DPYSL2: variants seen among roughly 807,000 people sequenced by gnomAD.
DPYSL2 encodes dihydropyrimidinase-related protein 2.
Under a neutral mutation model 69.9 loss-of-function variants are expected in DPYSL2, and 13 were observed. That is an observed-to-expected ratio of 0.19 (90% CI 0.12 to 0.30). The LOEUF (loss-of-function observed/expected upper bound fraction) is 0.30, where lower values mean the gene tolerates loss of function less well. Among genes scored for constraint, DPYSL2 ranks in the 10% least tolerant of loss-of-function variants. The pLI is 1.00. For missense variants in DPYSL2, 587 were observed against 918.9 expected (o/e 0.64, Z 4.67); for synonymous variants, 326 against 359.1 (o/e 0.91, Z 1.04).
In DPYSL2 at chr8:26,624,102, G is replaced by A; in HGVS notation, c.629-41G>A. The A allele has an allele frequency of 1.9e-6, 3 of 1,610,786 alleles. No individual in the cohort carries two copies. Among genetic ancestry groups the A allele is most frequent in the South Asian group, 2.2e-5 (2 of 90,692 alleles). ...AAATACCTGCTGGCCCACGGCCCTT[G>A]AGGCTCTTGGTGATGATGACATATG... On this transcript the variant is annotated intron_variant, in intron 3 of 13. Transcript: ENST00000521913. The surrounding 1 kb of genome is among the most constrained non-coding windows in gnomAD (Gnocchi z 4.7).
chr8:26,643,630 T>C lies in DPYSL2; in HGVS notation c.1283+35T>C. ...GGCGACTTGTTCACACTTCACATTC[T>C]GTCTTTCTTCAGACCAGACTGACCT... On this transcript the variant is annotated intron_variant, in intron 9 of 13. Transcript: ENST00000521913. The surrounding 1 kb of genome is among the most constrained non-coding windows in gnomAD (Gnocchi z 6.5). The C allele has an allele frequency of 6.2e-7, 1 of 1,614,114 alleles. No individual in the cohort carries two copies. The highest frequency in any genetic ancestry group is 8.5e-7 in the Non-Finnish European group (1 of 1,179,930).
chr8:26,564,664 C>G lies in DPYSL2; in HGVS notation c.355-17305C>G, dbSNP rs1421913103. Among the ~76,000 whole-genome samples, 1 of 152,084 alleles carries G rather than the reference C, an allele frequency of 6.6e-6. No individual in the cohort carries two copies. The highest frequency in any genetic ancestry group is 1.9e-4 in the East Asian group (1 of 5,190). On this transcript the variant is annotated intron_variant, in intron 1 of 13. Coordinates refer to ENST00000521913, the MANE Select transcript of DPYSL2 (RefSeq NM_001197293.3). This position sits in a 1 kb window ranked among gnomAD's most constrained non-coding sequence, Gnocchi z 4.8. Reference sequence around the variant, plus strand: ...GGAAGCATGGCAAAGGTGGTGACAGCTGCTGAGAGGTGTGAGAGGGTGGCC... The same window carrying G: ...GGAAGCATGGCAAAGGTGGTGACAGGTGCTGAGAGGTGTGAGAGGGTGGCC...
intron 8 of DPYSL2, among the ~76,000 whole-genome samples, chr8:26,635,446 C>T (rs327215): frequency 0.95 from 145,338 of 152,292 alleles, 69,543 homozygotes; most frequent in Non-Finnish European, 0.99. Context: ...CTGTAACTAA[C>T]TGATGAAGTG....
At position 26,597,721 on chromosome 8, in the gene DPYSL2, G is replaced by T. The variant is rs560052367; in HGVS notation, c.628+13738G>T. ...GATCTCCTGACCTTGTGATCCACCC[G>T]CCTCGGCCTCCCAAAGTGCTGGGAT... On this transcript the variant is annotated intron_variant, in intron 3 of 13. Coordinates refer to ENST00000521913, the MANE Select transcript of DPYSL2 (RefSeq NM_001197293.3). The surrounding 1 kb of genome is among the most constrained non-coding windows in gnomAD (Gnocchi z 5.2). 3.3e-5 allele frequency among the ~76,000 whole-genome samples: 5 copies of T among 150,714 alleles called. No individual in the cohort carries two copies. In the East Asian group the frequency reaches 5.9e-4, roughly 18 times the overall value.
chr8:26,567,461 C>CGG (rs1801170869), intron 1 of DPYSL2, among the ~76,000 whole-genome samples: 1 of 152,258 alleles, frequency 6.6e-6, no homozygotes, highest in African/African-American at 2.4e-5. Flanking sequence ...TTGCCTATTA[C>CGG]AGGCAAGGCC....
chr8:26,622,094 C>T (rs2120049), intron 3 of DPYSL2, among the ~76,000 whole-genome samples: 2,204 of 24,216 alleles, frequency 0.091, 19 homozygotes, highest in Non-Finnish European at 0.13. Flanking sequence ...TCTTTCTTTC[C>T]TTCCTTCCTT....
At chr8:26,629,164 T>TATGCACACATAGACACAC (rs1802681413) in intron 7 of DPYSL2, among the ~76,000 whole-genome samples, 1 of 152,102 alleles carries the variant, frequency 6.6e-6, no homozygotes, top group African/African-American at 2.4e-5. Context: ...GCTGCATGCA[T>TATGCACACATAGACACAC]ATGCACACAT....
At chr8:26,522,110 T>C (rs1429088199) in intron 1 of DPYSL2, among the ~76,000 whole-genome samples, 1 of 152,052 alleles carries the variant, frequency 6.6e-6, no homozygotes. Context: ...GAGTTTGAGA[T>C]CAGCCTAGCC....
At chr8:26,578,224 C>T (rs774922068) in intron 1 of DPYSL2, 1 of 1,613,740 alleles carries the variant, frequency 6.2e-7, no homozygotes, top group Non-Finnish European at 8.5e-7. Flanking sequence ...TAAAGCTGCC[C>T]TCTTGAAATT....
At chr8:26,572,391 T>C (rs1585516113) in intron 1 of DPYSL2, among the ~76,000 whole-genome samples, 1 of 152,350 alleles carries the variant, frequency 6.6e-6, no homozygotes, top group South Asian at 2.1e-4. Flanking sequence ...GATGCAAACA[T>C]GTGCAAAGGG....
At position 26,644,554 on chromosome 8, in the gene DPYSL2, C is replaced by T. The variant is rs1803120815; in HGVS notation, c.1425+463C>T. Among the ~76,000 whole-genome samples the T allele has an allele frequency of 1.3e-5, 2 of 151,910 alleles. No homozygotes were observed. Among genetic ancestry groups the T allele is most frequent in the Admixed American group, 1.3e-4 (2 of 15,248 alleles). ...TCGAGTTCCCGGGTTTAAGCAATGC[C>T]TCGGCCTCCCAAAGTGCTGGGATTA... On this transcript the variant is annotated intron_variant, in intron 10 of 13. Transcript: ENST00000521913. This position sits in a 1 kb window ranked among gnomAD's most constrained non-coding sequence, Gnocchi z 4.5.
chr8:26,587,786 T>C lies in DPYSL2; in HGVS notation c.628+3803T>C, dbSNP rs1801638548. Among the ~76,000 whole-genome samples the C allele has an allele frequency of 6.6e-6, 1 of 152,094 alleles. No homozygotes were observed. Among genetic ancestry groups the C allele is most frequent in the Non-Finnish European group, 1.5e-5 (1 of 68,014 alleles). ...TTGCGGGGGCGGCCGCATTGCTGCT[T>C]GGGGAAAACCCTACGGACTTCCCAG... On this transcript the variant is annotated intron_variant, in intron 3 of 13. Coordinates refer to ENST00000521913, the MANE Select transcript of DPYSL2 (RefSeq NM_001197293.3). The surrounding 1 kb of genome is among the most constrained non-coding windows in gnomAD (Gnocchi z 4.2).
At chr8:26,649,137 C>T (rs1282256843) in intron 11 of DPYSL2, among the ~76,000 whole-genome samples, 1 of 152,164 alleles carries the variant, frequency 6.6e-6, no homozygotes, top group Non-Finnish European at 1.5e-5. Flanking sequence ...TATTATTATC[C>T]CAATTTGGGA....
In DPYSL2 at chr8:26,617,206, C is replaced by T. The variant is rs114213881; in HGVS notation, c.629-6937C>T. 0.036 allele frequency among the ~76,000 whole-genome samples: 5,421 copies of T among 152,194 alleles called. 95 individuals carry two copies. Among genetic ancestry groups the T allele is most frequent in the African/African-American group, 0.05 (2,063 of 41,500 alleles). ...GGCAAGATGTTTCCTTTGGGGGAAA[C>T]GGGGTGAAGGGTATGAAGGTTCTCT... On this transcript the variant is annotated intron_variant, in intron 3 of 13. Transcript: ENST00000521913. The surrounding 1 kb of genome is among the most constrained non-coding windows in gnomAD (Gnocchi z 4.7).
In DPYSL2 at chr8:26,617,715, A is replaced by C. The variant is rs1004151771; in HGVS notation, c.629-6428A>C. Among the ~76,000 whole-genome samples the C allele has an allele frequency of 6.6e-6, 1 of 152,198 alleles. No individual in the cohort carries two copies. The highest frequency in any genetic ancestry group is 1.5e-5 in the Non-Finnish European group (1 of 68,040). ...TGCAGCATGGATGAACCTTGACGACATGATGCCAAGTGAAAGCAGACAGAC... is the reference window on the plus strand; with the variant it reads ...TGCAGCATGGATGAACCTTGACGACCTGATGCCAAGTGAAAGCAGACAGAC... On this transcript the variant is annotated intron_variant, in intron 3 of 13. Transcript: ENST00000521913. The surrounding 1 kb of genome is among the most constrained non-coding windows in gnomAD (Gnocchi z 4.7).
rs1204647722 is a variant in DPYSL2, at chr8:26,650,494, C to T, written c.1597-1763C>T. 6.6e-6 allele frequency among the ~76,000 whole-genome samples: 1 copy of T among 152,128 alleles called. No individual in the cohort carries two copies. Among genetic ancestry groups the T allele is most frequent in the African/African-American group, 2.4e-5 (1 of 41,392 alleles). ...TTTGTATTGTCATCTTCACATACAC[C>T]TCGGGAGGGTGCAGATGAAGAAACT... On this transcript the variant is annotated intron_variant, in intron 11 of 13. Coordinates refer to ENST00000521913, the MANE Select transcript of DPYSL2 (RefSeq NM_001197293.3). The surrounding 1 kb of genome is among the most constrained non-coding windows in gnomAD (Gnocchi z 5.3).
chr8:26,531,257 G>A (rs765050644), intron 1 of DPYSL2, among the ~76,000 whole-genome samples: 3 of 152,094 alleles, frequency 2.0e-5, no homozygotes, highest in Non-Finnish European at 4.4e-5. Context: ...GGCCCACAAC[G>A]GAGGTCTGAA....
rs1386313588 is a variant in DPYSL2, at chr8:26,562,807, G to A, written c.355-19162G>A. Among the ~76,000 whole-genome samples, 7 of 152,300 alleles carry A rather than the reference G, an allele frequency of 4.6e-5. No homozygotes were observed. Among genetic ancestry groups the A allele is most frequent in the South Asian group, 2.1e-4 (1 of 4,826 alleles). ...TCTCTGCTCCACGATGTCTAGGGCC[G>A]TATCTGGGAAAACTTGAATGGCTTT... On this transcript the variant is annotated intron_variant, in intron 1 of 13. Transcript: ENST00000521913. The surrounding 1 kb of genome is among the most constrained non-coding windows in gnomAD (Gnocchi z 4.9).
chr8:26,594,966 G>C (rs1801825036), intron 3 of DPYSL2, among the ~76,000 whole-genome samples: 1 of 152,164 alleles, frequency 6.6e-6, no homozygotes, highest in Non-Finnish European at 1.5e-5. Flanking sequence ...AGGATCACTT[G>C]AAGGCGCCAG....
Sources: gnomAD v4.1 joint callset for allele counts (sites outside exome capture counted in the v4.1 genomes callset) on GRCh38, gnomAD v4.1.1 for gene constraint, Gnocchi (gnomAD v3.1) non-coding constraint, MANE v1.5 for transcripts, NCBI Gene and HGNC (gene_info 2026-07-23, HGNC 2026-07-21) for gene names.